Variants in NCOA2 observed in about 807,000 individuals in gnomAD.
The protein encoded by NCOA2 is class E basic helix-loop-helix protein 75.
In NCOA2, 21 loss-of-function variants were observed where a neutral mutation model predicts 145.1. The ratio of observed to expected loss-of-function variants is 0.14; its 90% CI spans 0.10 to 0.21. The LOEUF (loss-of-function observed/expected upper bound fraction) is 0.21, where lower values mean the gene tolerates loss of function less well. Ranked by LOEUF, NCOA2 falls within the 10% of genes least tolerant of loss-of-function variation. The pLI is 1.00. For missense variants in NCOA2, 1,472 were observed against 1,837.6 expected (o/e 0.80, Z 3.64); for synonymous variants, 619 against 637.5 (o/e 0.97, Z 0.44).
intron 2 of NCOA2, among the ~76,000 whole-genome samples, chr8:70,285,630 T>A (rs1826180575): frequency 6.6e-6 from 1 of 152,244 alleles, no homozygotes. Flanking sequence ...TGCTTTGTAA[T>A]CCCATTCACG....
At chr8:70,178,554 C>T (rs114541811) in intron 4 of NCOA2, among the ~76,000 whole-genome samples, 3,028 of 152,216 alleles carry the variant, frequency 0.02, 123 homozygotes, top group African/African-American at 0.069. Context: ...GTCTGTGTGT[C>T]TGGTCTGTGG....
chr8:70,404,484 C>G (rs1189191809), upstream of NCOA2, among the ~76,000 whole-genome samples: 3 of 152,168 alleles, frequency 2.0e-5, no homozygotes, highest in East Asian at 5.8e-4. Context: ...ACCCAACTCC[C>G]GGTCCTGCCG....
chr8:70,314,641 T>A (rs1405189629), intron 1 of NCOA2, among the ~76,000 whole-genome samples: 1 of 152,234 alleles, frequency 6.6e-6, no homozygotes, highest in Non-Finnish European at 1.5e-5. Context: ...ATTCATTTCC[T>A]AAATGTAAAA....
At chr8:70,392,351 T>C (rs1813285612) in intron 1 of NCOA2, among the ~76,000 whole-genome samples, 2 of 152,238 alleles carry the variant, frequency 1.3e-5, no homozygotes, top group Non-Finnish European at 2.9e-5. Context: ...GTTCATTGGT[T>C]GGTGGCAGAA....
Position 70,112,736 on chromosome 8 carries a change from A to G in NCOA2, c.*896T>C, listed in dbSNP as rs1430809695. ...AGGGCTTACCTGGTTTCTGTAGCTT[A>G]TATTATTTTTTAAAAAAGGAATGAA... is the stretch of plus-strand genomic sequence containing the variant. On this transcript the variant is annotated 3_prime_UTR_variant, in exon 23 of 23. Coordinates refer to ENST00000452400, the MANE Select transcript of NCOA2 (RefSeq NM_006540.4). 1.4e-5 allele frequency: 3 copies of G among 207,774 alleles called. No homozygotes were observed. The Admixed American group carries it at 1.8e-4, about 12-fold the overall frequency. 12.9% of individuals were successfully genotyped at this position (207,774 alleles called of 1,614,324 possible). A position where few individuals can be genotyped will look rare whatever the true frequency, so the allele number is the denominator to read the frequency against.
intron 2 of NCOA2, among the ~76,000 whole-genome samples, chr8:70,254,431 G>A (rs536412085): frequency 9.9e-5 from 15 of 152,140 alleles, no homozygotes; most frequent in Non-Finnish European, 1.6e-4. Flanking sequence ...GTTCATAGCC[G>A]CATTATTCAC....
At chr8:70,427,883 G>T in the NCOA2 span, among the ~76,000 whole-genome samples, 1 of 152,168 alleles carries the variant, frequency 6.6e-6, no homozygotes. Context: ...CTGTGATGTT[G>T]TGGCTTTTCC....
intron 1 of NCOA2, among the ~76,000 whole-genome samples, chr8:70,356,838 T>G (rs573997853): frequency 3.3e-5 from 5 of 152,330 alleles, no homozygotes; most frequent in African/African-American, 9.6e-5. Context: ...ACCAAAATAT[T>G]TGATGGCATG....
chr8:70,206,747 C>T (rs929053502), intron 4 of NCOA2, among the ~76,000 whole-genome samples: 3 of 152,168 alleles, frequency 2.0e-5, no homozygotes, highest in Admixed American at 6.5e-5. Context: ...CAACCAAGTG[C>T]TCCCATACAT....
chr8:70,139,766 C>T (rs745978232), intron 14 of NCOA2, among the ~76,000 whole-genome samples: 4 of 149,506 alleles, frequency 2.7e-5, no homozygotes, highest in Non-Finnish European at 5.9e-5. Flanking sequence ...AATTTCCCTA[C>T]CGCAACCTCC....
the NCOA2 span, among the ~76,000 whole-genome samples, chr8:70,431,801 T>C: frequency 6.6e-6 from 1 of 152,380 alleles, no homozygotes; most frequent in African/African-American, 2.4e-5. Context: ...TAGTTTCAAT[T>C]ACTGTTTACA....
At chr8:70,229,219 G>A (rs181157029) in intron 2 of NCOA2, among the ~76,000 whole-genome samples, 4 of 152,180 alleles carry the variant, frequency 2.6e-5, no homozygotes, top group Admixed American at 2.0e-4. Flanking sequence ...TAGCTGCTAA[G>A]GGCAAAATGC....
chr8:70,225,875 C>A (rs1025438164), intron 2 of NCOA2, among the ~76,000 whole-genome samples: 9 of 152,144 alleles, frequency 5.9e-5, no homozygotes, highest in Non-Finnish European at 1.0e-4. Context: ...ATTTAATTAA[C>A]CTCTTTGGAG....
chr8:70,394,882 C>T (rs569401105), intron 1 of NCOA2, among the ~76,000 whole-genome samples: 85 of 152,308 alleles, frequency 5.6e-4, no homozygotes, highest in African/African-American at 2.0e-3. Context: ...GCAACTAACT[C>T]CAACAACAAA....
At chr8:70,187,171 C>T (rs1816170154) in intron 4 of NCOA2, among the ~76,000 whole-genome samples, 1 of 152,168 alleles carries the variant, frequency 6.6e-6, no homozygotes, top group African/African-American at 2.4e-5. Context: ...GCTGGCACTT[C>T]CATGCTGCAA....
intron 1 of NCOA2, among the ~76,000 whole-genome samples, chr8:70,322,965 C>G (rs1237556417): frequency 6.6e-6 from 1 of 152,210 alleles, no homozygotes; most frequent in Non-Finnish European, 1.5e-5. Flanking sequence ...CTGTCCTACA[C>G]AAGTTAGGCT....
chr8:70,279,007 A>G (rs1005625939), intron 2 of NCOA2, among the ~76,000 whole-genome samples: 1 of 151,858 alleles, frequency 6.6e-6, no homozygotes, highest in Non-Finnish European at 1.5e-5. Flanking sequence ...ATTTCCCTGT[A>G]TCAATCCGTC....
At chr8:70,334,512 G>A (rs192178439) in intron 1 of NCOA2, among the ~76,000 whole-genome samples, 48 of 152,172 alleles carry the variant, frequency 3.2e-4, no homozygotes, top group African/African-American at 1.1e-3. Context: ...TATGTACAAC[G>A]TTCTTGATAC....
At chr8:70,287,409 T>A (rs1018778029) in intron 2 of NCOA2, among the ~76,000 whole-genome samples, 5 of 152,136 alleles carry the variant, frequency 3.3e-5, no homozygotes, top group Non-Finnish European at 7.4e-5. Flanking sequence ...GAAATTTGCT[T>A]TAGAATTGAA....
Sources: gnomAD v4.1 joint callset for allele counts (sites outside exome capture counted in the v4.1 genomes callset) on GRCh38, gnomAD v4.1.1 for gene constraint, MANE v1.5 for transcripts, NCBI Gene and HGNC (gene_info 2026-07-23, HGNC 2026-07-21) for gene names.